The following MIGA2 variants were observed in gnomAD, a reference collection of about 807,000 sequenced individuals.
MIGA2 encodes the protein family with sequence similarity 73, member B.
A neutral mutation model predicts 69.9 loss-of-function variants in MIGA2; 36 were observed. The ratio of observed to expected loss-of-function variants is 0.52; its 90% CI spans 0.39 to 0.68. The LOEUF (loss-of-function observed/expected upper bound fraction) is 0.68, where lower values mean the gene tolerates loss of function less well. Among genes scored for constraint, MIGA2 ranks in the 30% least tolerant of loss-of-function variants. MIGA2 has a pLI of 0.00. For synonymous variants in MIGA2, 333 were observed against 349.2 expected (o/e 0.95, Z 0.52); for missense variants, 660 against 787.7 (o/e 0.84, Z 1.94).
intron 11 of MIGA2, among the ~76,000 whole-genome samples, chr9:129,064,694 G>A (rs931683722): frequency 7.2e-5 from 11 of 152,008 alleles, no homozygotes; most frequent in Non-Finnish European, 1.5e-4. Context: ...CTGTCTGGCT[G>A]AAGGGCCTGC....
At chr9:129,039,175 T>TTG (rs61426484) in intron 1 of MIGA2, among the ~76,000 whole-genome samples, 17,155 of 139,820 alleles carry the variant, frequency 0.12, 975 homozygotes, top group South Asian at 0.17. Context: ...AGCTCTTTGT[T>TTG]TGTGTGTGTG....
intron 1 of MIGA2, 27 bp from the exon 2 acceptor site, chr9:129,040,425 T>C: frequency 7.3e-7 from 1 of 1,366,162 alleles, no homozygotes; most frequent in East Asian, 2.8e-5. Flanking sequence ...CACGTTCTCT[T>C]ATCTGACTTG....
intron 6 of MIGA2, among the ~76,000 whole-genome samples, chr9:129,051,021 A>G (rs752372246): frequency 4.0e-5 from 6 of 150,632 alleles, no homozygotes; most frequent in Admixed American, 6.6e-5. Context: ...TTATAGGCGC[A>G]TGCCACCCCA....
In MIGA2 at chr9:129,040,691, G is replaced by A; in HGVS notation, c.96+1G>A. ...GTTCCTGTACACGACGTTTGGGCAG[G>A]TAAGGATCAGGGTGGGTTGTACCTC... On this transcript the variant is annotated splice_donor_variant, in intron 2 of 15. Transcript: ENST00000684074. LOFTEE classifies it high-confidence loss of function. 6.2e-7 allele frequency: 1 copy of A among 1,613,138 alleles called. No individual in the cohort carries two copies. The highest frequency in any genetic ancestry group is 8.5e-7 in the Non-Finnish European group (1 of 1,179,384).
chr9:129,070,195 A>G (rs1194716936), intron 15 of MIGA2, 52 bp from the exon 16 acceptor site: 1 of 1,585,798 alleles, frequency 6.3e-7, no homozygotes, highest in African/African-American at 1.3e-5. Context: ...CCTGGGGGGC[A>G]TCATGGTGGG....
Position 129,049,918 on chromosome 9 carries a change from G to A in MIGA2, c.630G>A (p.Arg210=). 6.2e-7 allele frequency: 1 copy of A among 1,613,762 alleles called. No homozygotes were observed. Among genetic ancestry groups the A allele is most frequent in the Non-Finnish European group, 8.5e-7 (1 of 1,179,992 alleles). ...RGDSGSTPMP[R]DGLRNPETAS... ...ACAGCGGCAGCACCCCCATGCCCAG[G>A]GACGGCCTCCGGAACCCAGAGACTG... The change falls in exon 6 of 16, where the codon AGG becomes AGA. Residue 210 remains arginine (R), a synonymous_variant. Transcript: ENST00000684074.
rs768587362 is a variant in MIGA2 at position 129,063,264 on chromosome 9, A to T, written c.1031A>T (p.Tyr344Phe). The T allele has an allele frequency of 1.2e-6, 2 of 1,613,948 alleles. No individual in the cohort carries two copies. Among genetic ancestry groups the T allele is most frequent in the Non-Finnish European group, 1.7e-6 (2 of 1,180,004 alleles). The change falls in exon 10 of 16, where the codon TAC becomes TTC. Residue 344 changes from tyrosine to phenylalanine, a missense_variant. Physicochemically the swap from Tyr to Phe is conservative, Grantham distance 22. Transcript: ENST00000684074. ...CTCAGGACGGAGCTGCTGGGCTGCT[A>T]CAGTGACCAGGACTTTCTGGCCAAG... ...RTLRTELLGC[Y>F]SDQDFLAKLH...
chr9:129,059,327 G>A lies in MIGA2; in HGVS notation c.793+56G>A. The A allele has an allele frequency of 7.1e-7, 1 of 1,402,406 alleles. No homozygotes were observed. The highest frequency in any genetic ancestry group is 9.8e-7 in the Non-Finnish European group (1 of 1,016,794). 86.9% of individuals were successfully genotyped at this position (1,402,406 alleles called of 1,614,324 possible). ...CGTGGAGGGTGGCAGGGATGGAGGT[G>A]AGGAGAAGTTGCGAGAACCGGGTCG... On this transcript the variant is annotated intron_variant, in intron 7 of 15. Coordinates refer to ENST00000684074, the MANE Select transcript of MIGA2 (RefSeq NM_001329990.2). The surrounding 1 kb of genome is among the most constrained non-coding windows in gnomAD (Gnocchi z 5.6).
intron 3 of MIGA2, among the ~76,000 whole-genome samples, chr9:129,047,548 G>C (rs1845291826): frequency 1.3e-5 from 2 of 151,952 alleles, no homozygotes; most frequent in Non-Finnish European, 2.9e-5. Flanking sequence ...GAGTAGCTGG[G>C]ATTACAGGCG....
At chr9:129,065,694 C>T (rs528973323) in intron 11 of MIGA2, among the ~76,000 whole-genome samples, 1 of 152,200 alleles carries the variant, frequency 6.6e-6, no homozygotes, top group South Asian at 2.1e-4. Context: ...TAACCAGCAC[C>T]CAGGTTAGGA....
Position 129,060,310 on chromosome 9 carries a change from C to T in MIGA2, c.794-240C>T, listed in dbSNP as rs1845998639. Among the ~76,000 whole-genome samples the T allele has an allele frequency of 6.6e-6, 1 of 152,204 alleles. No individual in the cohort carries two copies. Among genetic ancestry groups the T allele is most frequent in the Non-Finnish European group, 1.5e-5 (1 of 68,038 alleles). On this transcript the variant is annotated intron_variant, in intron 7 of 15. Coordinates refer to ENST00000684074, the MANE Select transcript of MIGA2 (RefSeq NM_001329990.2). The surrounding 1 kb of genome is among the most constrained non-coding windows in gnomAD (Gnocchi z 4.8). ...GCCGCTCACCAGCCGAGGGCTCACA[C>T]CTGAGGCTGACGACCTCCGAGGATG...
At position 129,069,160 on chromosome 9, in the gene MIGA2, A is replaced by C. The variant is rs762280583; in HGVS notation, c.1458+31A>C. The stretch of plus-strand genomic sequence containing the variant: ...TGACTGGCAGGCCCGGGGGAGCACG[A>C]GCTGGGCTCTGAGGCAGCGTGGTGG... On this transcript the variant is annotated intron_variant, in intron 14 of 15. Transcript: ENST00000684074. This position sits in a 1 kb window ranked among gnomAD's most constrained non-coding sequence, Gnocchi z 4.9. The C allele has an allele frequency of 2.5e-6, 4 of 1,613,214 alleles. No homozygotes were observed. Among genetic ancestry groups the C allele is most frequent in the Non-Finnish European group, 2.5e-6 (3 of 1,179,826 alleles).
At chr9:129,046,038 A>G (rs1845204286) in intron 3 of MIGA2, among the ~76,000 whole-genome samples, 1 of 151,908 alleles carries the variant, frequency 6.6e-6, no homozygotes, top group Admixed American at 6.6e-5. Context: ...TGTTTTTAGT[A>G]GAGACAGGGT....
chr9:129,051,813 G>GTAAT (rs141857454), intron 6 of MIGA2, among the ~76,000 whole-genome samples: 4,229 of 148,234 alleles, frequency 0.029, 170 homozygotes, highest in African/African-American at 0.089. Context: ...TAGCCAGGAT[G>GTAAT]TAATTAATTA....
At position 129,060,537 on chromosome 9, in the gene MIGA2, CT is replaced by C. The variant is rs748842800; in HGVS notation, c.794-12del. 6.3e-7 allele frequency: 1 copy of C among 1,578,632 alleles called. No homozygotes were observed. The highest frequency in any genetic ancestry group is 2.3e-5 in the East Asian group (1 of 43,184). ...GGAGTCTCAGCCCCGCTTTCTCTCA[CT>C]GCTCTTCCCAGAGAGGACCCTCATG... is the stretch of plus-strand genomic sequence containing the variant. On this transcript the variant is annotated splice_polypyrimidine_tract_variant and intron_variant, in intron 7 of 15. Coordinates refer to ENST00000684074, the MANE Select transcript of MIGA2 (RefSeq NM_001329990.2). The surrounding 1 kb of genome is among the most constrained non-coding windows in gnomAD (Gnocchi z 4.8).
chr9:129,049,375 G>A lies in MIGA2; in HGVS notation c.421-6G>A, dbSNP rs561449644. On this transcript the variant is annotated splice_region_variant and splice_polypyrimidine_tract_variant and intron_variant, in intron 4 of 15. Coordinates refer to ENST00000684074, the MANE Select transcript of MIGA2 (RefSeq NM_001329990.2). ...ACTCTTTCTTCTTGCACTGATTGGCGCCCAGATGATGGCAGTGAACTCATC... is the reference window on the plus strand; with the variant it reads ...ACTCTTTCTTCTTGCACTGATTGGCACCCAGATGATGGCAGTGAACTCATC... 2.4e-5 allele frequency: 38 copies of A among 1,612,478 alleles called. No individual in the cohort carries two copies. The highest frequency in any genetic ancestry group is 8.9e-5 in the East Asian group (4 of 44,842).
chr9:129,052,794 T>C (rs1295182740), intron 6 of MIGA2, among the ~76,000 whole-genome samples: 1 of 152,124 alleles, frequency 6.6e-6, no homozygotes, highest in Admixed American at 6.6e-5. Flanking sequence ...CTGTCCCTGC[T>C]GGGGCGTGAG....
intron 2 of MIGA2, 114 bp downstream of exon 2, chr9:129,040,804 G>A (rs1398025081): frequency 2.3e-6 from 2 of 881,268 alleles, no homozygotes; most frequent in Non-Finnish European, 3.4e-6. Flanking sequence ...CAAACCTCTG[G>A]TGTCTCCTCT....
intron 1 of MIGA2, among the ~76,000 whole-genome samples, chr9:129,038,240 C>T (rs1018437464): frequency 2.0e-5 from 3 of 152,178 alleles, no homozygotes; most frequent in Non-Finnish European, 4.4e-5. Context: ...CTCTCACACA[C>T]CCCCACCAGC....
Sources: gnomAD v4.1 joint callset for allele counts (sites outside exome capture counted in the v4.1 genomes callset) on GRCh38, gnomAD v4.1.1 for gene constraint, Gnocchi (gnomAD v3.1) non-coding constraint, MANE v1.5 for transcripts, NCBI Gene and HGNC (gene_info 2026-07-23, HGNC 2026-07-21) for gene names.